The following WDR59 variants were observed in gnomAD, a reference collection of about 807,000 sequenced individuals.
The protein encoded by WDR59 is WD repeat domain 59.
In WDR59, 100 loss-of-function variants were observed where a neutral mutation model predicts 131.2. The observed-to-expected ratio is 0.76, with a 90% CI of 0.65 to 0.90. The LOEUF (loss-of-function observed/expected upper bound fraction) is 0.90, where lower values mean the gene tolerates loss of function less well. Ranked by LOEUF, WDR59 falls within the 40% of genes least tolerant of loss-of-function variation. The pLI is 0.00. For synonymous variants in WDR59, 601 were observed against 466.2 expected (o/e 1.29, Z -3.72); for missense variants, 1,203 against 1,262.2 (o/e 0.95, Z 0.71).
chr16:74,885,060 G>C (rs552224096), intron 25 of WDR59, among the ~76,000 whole-genome samples: 1 of 152,348 alleles, frequency 6.6e-6, no homozygotes, highest in Admixed American at 6.5e-5. Context: ...TGGGCACTGT[G>C]CCTAAGAGGA....
At chr16:74,875,539 G>C (rs962003345) in intron 25 of WDR59, among the ~76,000 whole-genome samples, 1 of 151,996 alleles carries the variant, frequency 6.6e-6, no homozygotes, top group African/African-American at 2.4e-5. Flanking sequence ...CCAGTTCTTA[G>C]ATGATCCTGG....
In WDR59 at chr16:74,972,608, T is replaced by G. The variant is rs571578588; in HGVS notation, c.55-6786A>C. ...CAGCACGATGGGAGGCCAAGGTGGG[T>G]GGATCATTTCAGGTTAGGAGTTTGA... On this transcript the variant is annotated intron_variant, in intron 1 of 25. Coordinates refer to ENST00000262144, the MANE Select transcript of WDR59 (RefSeq NM_030581.4). Among the ~76,000 whole-genome samples the G allele has an allele frequency of 1.9e-3, 275 of 148,194 alleles. 1 individual carries two copies. The highest frequency in any genetic ancestry group is 3.2e-3 in the South Asian group (15 of 4,658).
intron 1 of WDR59, among the ~76,000 whole-genome samples, chr16:74,973,628 G>A (rs909322867): frequency 1.3e-5 from 2 of 152,176 alleles, no homozygotes; most frequent in South Asian, 2.1e-4. Flanking sequence ...CTCACTACAC[G>A]TTACCTATCG....
chr16:74,941,619 G>C (rs936206686), intron 7 of WDR59, among the ~76,000 whole-genome samples: 7 of 151,838 alleles, frequency 4.6e-5, no homozygotes, highest in East Asian at 1.9e-4. Context: ...GCTTGAACCT[G>C]GGAGGCGTAG....
In WDR59 at chr16:74,887,626, T is replaced by G. The variant is rs115786808; in HGVS notation, c.2419+57A>C. The stretch of plus-strand genomic sequence containing the variant: ...CTAAGCATCAACTAAAGGTTACATA[T>G]GCACAGCTCTGGGAGAACTAAAAAT... On this transcript the variant is annotated intron_variant, in intron 23 of 25. Coordinates refer to ENST00000262144, the MANE Select transcript of WDR59 (RefSeq NM_030581.4). 5.8e-4 allele frequency: 888 copies of G among 1,523,742 alleles called. 1 individual carries two copies. In the African/African-American group the frequency reaches 0.01, roughly 17 times the overall value. 94.4% of individuals were successfully genotyped at this position (1,523,742 alleles called of 1,614,324 possible).
intron 6 of WDR59, among the ~76,000 whole-genome samples, chr16:74,945,889 C>T (rs2032598146): frequency 6.6e-6 from 1 of 150,388 alleles, no homozygotes; most frequent in South Asian, 2.1e-4. Context: ...CGTGATCTCG[C>T]TCACCGCAAC....
chr16:74,904,841 A>G (rs963866187), intron 17 of WDR59, among the ~76,000 whole-genome samples: 1 of 152,236 alleles, frequency 6.6e-6, no homozygotes, highest in Non-Finnish European at 1.5e-5. Context: ...AGAGTCCAGA[A>G]AGACCACAAA....
Position 74,985,118 on chromosome 16 carries a change from C to G in WDR59, c.-101G>C. 1.7e-6 allele frequency: 2 copies of G among 1,175,454 alleles called. No individual in the cohort carries two copies. Among genetic ancestry groups the G allele is most frequent in the South Asian group, 2.6e-5 (2 of 75,792 alleles). 72.8% of individuals were successfully genotyped at this position (1,175,454 alleles called of 1,614,324 possible). On this transcript the variant is annotated 5_prime_UTR_variant, in exon 1 of 26. Coordinates refer to ENST00000262144, the MANE Select transcript of WDR59 (RefSeq NM_030581.4). ...CCCCACACAGCCAGAGAATCAGCCC[C>G]GACACGCCCCGTGCCCTGGTTGCTC...
At chr16:74,947,975 G>C (rs552789166) in intron 6 of WDR59, among the ~76,000 whole-genome samples, 5 of 152,048 alleles carry the variant, frequency 3.3e-5, no homozygotes, top group Non-Finnish European at 2.9e-5. Flanking sequence ...GAGACTGAGG[G>C]AGGAGAATTG....
At position 74,889,756 on chromosome 16, in the gene WDR59, A is replaced by G. The variant is rs1964949379; in HGVS notation, c.2142T>C (p.Asp714=). 8 of 1,614,106 alleles carry G rather than the reference A, an allele frequency of 5.0e-6. No individual in the cohort carries two copies. The East Asian group carries it at 1.8e-4, about 36-fold the overall frequency. ...GATGTCGAGCCCAGGGTGTTTCCAAATCTGGGTCAGATTTCGGACCAAGGC... is the reference window on the plus strand; with the variant it reads ...GATGTCGAGCCCAGGGTGTTTCCAAGTCTGGGTCAGATTTCGGACCAAGGC... The part of the protein sequence containing the change: ...DLCLGPKSDP[D]LETPWARHPF... Residue 714 remains aspartate, a synonymous_variant, in exon 21 of 26, where the codon GAT becomes GAC. Coordinates refer to ENST00000262144, the MANE Select transcript of WDR59 (RefSeq NM_030581.4).
chr16:74,971,586 C>A (rs2033987011), intron 1 of WDR59, among the ~76,000 whole-genome samples: 1 of 151,882 alleles, frequency 6.6e-6, no homozygotes, highest in Admixed American at 6.6e-5. Context: ...GTACCTGTCA[C>A]CGTGCCTGGC....
At chr16:74,904,148 A>G (rs1261641540) in intron 17 of WDR59, 48 bp from the exon 18 acceptor site, 1 of 1,583,106 alleles carries the variant, frequency 6.3e-7, no homozygotes, top group Admixed American at 1.8e-5. Flanking sequence ...GTCCTGTCAT[A>G]TTTCCAAGTG....
chr16:74,890,477 C>A lies in WDR59; in HGVS notation c.2083-662G>T, dbSNP rs578143729. On this transcript the variant is annotated intron_variant, in intron 20 of 25. Coordinates refer to ENST00000262144, the MANE Select transcript of WDR59 (RefSeq NM_030581.4). ...CACATGACTTTTTAAAATGCTGTTT[C>A]ATCAGTAAGTTGGGTTGGCAGGGAG... Among the ~76,000 whole-genome samples, 15 of 152,146 alleles carry A rather than the reference C, an allele frequency of 9.9e-5. No homozygotes were observed. The South Asian group carries it at 3.1e-3, about 32-fold the overall frequency.
In WDR59 at chr16:74,984,716, T is replaced by C. The variant is rs115000534; in HGVS notation, c.54+248A>G. 1,140 of 555,592 alleles carry C rather than the reference T, an allele frequency of 2.1e-3. 9 individuals are homozygous for C. Among genetic ancestry groups the C allele is most frequent in the African/African-American group, 0.02 (1,060 of 52,702 alleles). The allele number at this position is 555,592 out of a possible 1,614,324, so 34.4% of individuals were successfully genotyped here. On this transcript the variant is annotated intron_variant, in intron 1 of 25. Transcript: ENST00000262144. ...ACGATGCGCAGTCTCTGCCTCAGTG[T>C]CACAAGGCGGACCCCACTCCCCTAC...
intron 18 of WDR59, among the ~76,000 whole-genome samples, chr16:74,903,674 G>C (rs1490510580): frequency 5.7e-5 from 3 of 52,954 alleles, no homozygotes; most frequent in African/African-American, 5.0e-4. Flanking sequence ...TCAACTCAGG[G>C]AGTGGAGATT....
At chr16:74,897,579 T>C (rs1965356535) in intron 18 of WDR59, among the ~76,000 whole-genome samples, 1 of 152,212 alleles carries the variant, frequency 6.6e-6, no homozygotes, top group African/African-American at 2.4e-5. Context: ...GGTCCTTCTG[T>C]TTGATCCGTA....
Position 74,947,608 on chromosome 16 carries a change from A to G in WDR59, c.445+911T>C, listed in dbSNP as rs548474374. ...TTTCAAACAATTTGTAACTAAAAAA[A>G]GAGAGAGAGACTATTGGGGAAATCT... is the stretch of plus-strand genomic sequence containing the variant. On this transcript the variant is annotated intron_variant, in intron 6 of 25. Transcript: ENST00000262144. 8.3e-4 allele frequency among the ~76,000 whole-genome samples: 126 copies of G among 152,332 alleles called. 1 individual carries two copies. The highest frequency in any genetic ancestry group is 3.0e-3 in the African/African-American group (126 of 41,568).
intron 2 of WDR59, among the ~76,000 whole-genome samples, chr16:74,958,235 A>G (rs1276167249): frequency 1.3e-5 from 2 of 152,150 alleles, no homozygotes; most frequent in African/African-American, 4.8e-5. Context: ...AAAAACCTCC[A>G]AAGACAAAGA....
At chr16:74,954,494 A>G (rs1263961629) in intron 3 of WDR59, among the ~76,000 whole-genome samples, 2 of 152,224 alleles carry the variant, frequency 1.3e-5, no homozygotes, top group African/African-American at 4.8e-5. Context: ...TAAAAATACA[A>G]AAAATAAATT....
Sources: gnomAD v4.1 joint callset for allele counts (sites outside exome capture counted in the v4.1 genomes callset) on GRCh38, gnomAD v4.1.1 for gene constraint, MANE v1.5 for transcripts, NCBI Gene and HGNC (gene_info 2026-07-23, HGNC 2026-07-21) for gene names.